SLC9A9: variants seen among roughly 807,000 people sequenced by gnomAD.
The protein encoded by SLC9A9 is sodium/hydrogen exchanger 9.
SLC9A9 carries 62 observed loss-of-function variants against 77.8 expected under a neutral mutation model. The observed-to-expected ratio is 0.80, with a 90% CI of 0.65 to 0.98. SLC9A9 has a LOEUF of 0.98. Ranked by LOEUF, SLC9A9 falls within the 50% of genes least tolerant of loss-of-function variation. The pLI, the probability that SLC9A9 is intolerant of heterozygous loss-of-function variation, is 0.00. For missense variants in SLC9A9, 775 were observed against 774.9 expected, an observed-to-expected ratio of 1.00 and a Z score of 0.00; for synonymous variants, 320 against 283.5, an observed-to-expected ratio of 1.13 and a Z score of -1.29.
chr3:143,805,503 C>A (rs2008686362), intron 2 of SLC9A9, among the ~76,000 whole-genome samples: 1 of 152,118 alleles, frequency 6.6e-6, no homozygotes, highest in Non-Finnish European at 1.5e-5. Flanking sequence ...CCAAGCTAAG[C>A]CATCTTATCC....
intron 9 of SLC9A9, among the ~76,000 whole-genome samples, chr3:143,531,416 G>C (rs1038349378): frequency 2.0e-5 from 3 of 152,208 alleles, no homozygotes; most frequent in African/African-American, 7.2e-5. Flanking sequence ...TTTGGAGACA[G>C]AGATTCACAT....
chr3:143,719,860 A>G (rs1169281855), intron 4 of SLC9A9, among the ~76,000 whole-genome samples: 1 of 152,156 alleles, frequency 6.6e-6, no homozygotes, highest in African/African-American at 2.4e-5. Flanking sequence ...GAGGCCTGCA[A>G]TCAAAGAAAT....
chr3:143,337,966 T>C (rs1006377678), intron 14 of SLC9A9, among the ~76,000 whole-genome samples: 2 of 152,102 alleles, frequency 1.3e-5, no homozygotes, highest in Non-Finnish European at 2.9e-5. Context: ...AGGAAAAAGG[T>C]AAAAGAAGAA....
chr3:143,816,243 G>T (rs571116885), intron 2 of SLC9A9, among the ~76,000 whole-genome samples: 1 of 152,138 alleles, frequency 6.6e-6, no homozygotes, highest in South Asian at 2.1e-4. Context: ...TTGCTTTGTT[G>T]CCCAGGCTGG....
At chr3:143,524,509 T>C (rs940406721) in intron 9 of SLC9A9, among the ~76,000 whole-genome samples, 11 of 152,188 alleles carry the variant, frequency 7.2e-5, no homozygotes, top group African/African-American at 2.4e-4. Flanking sequence ...TATAGGTCAA[T>C]GGCCATTTTG....
At chr3:143,743,443 C>T (rs972997843) in intron 4 of SLC9A9, among the ~76,000 whole-genome samples, 2 of 152,132 alleles carry the variant, frequency 1.3e-5, no homozygotes, top group African/African-American at 4.8e-5. Flanking sequence ...AGGATAAAGG[C>T]CTTAGAACCC....
chr3:143,434,526 C>T (rs945004763), intron 12 of SLC9A9, among the ~76,000 whole-genome samples: 3 of 152,158 alleles, frequency 2.0e-5, no homozygotes, highest in South Asian at 2.1e-4. Context: ...TTCTAACCAC[C>T]GTAGCCCCTT....
At chr3:143,770,808 A>G (rs2007490249) in intron 4 of SLC9A9, among the ~76,000 whole-genome samples, 1 of 152,200 alleles carries the variant, frequency 6.6e-6, no homozygotes, top group African/African-American at 2.4e-5. Flanking sequence ...CTAAACTCAT[A>G]GACGTAAGAT....
chr3:143,575,255 C>T (rs2037339193), intron 7 of SLC9A9, among the ~76,000 whole-genome samples: 1 of 152,100 alleles, frequency 6.6e-6, no homozygotes. Context: ...TTTTAGAAAG[C>T]ACAAAGGCAG....
intron 4 of SLC9A9, among the ~76,000 whole-genome samples, chr3:143,746,844 G>C (rs1002565560): frequency 1.3e-5 from 2 of 151,998 alleles, no homozygotes; most frequent in African/African-American, 2.4e-5. Flanking sequence ...CATAGAAAAA[G>C]GTGACAAAAT....
At chr3:143,522,575 C>T (rs1034735781) in intron 9 of SLC9A9, among the ~76,000 whole-genome samples, 1 of 152,080 alleles carries the variant, frequency 6.6e-6, no homozygotes, top group African/African-American at 2.4e-5. Flanking sequence ...CTTGGCATCC[C>T]CTATCATCTC....
rs141535494 is a variant in SLC9A9, at chr3:143,730,394, C to G, written c.534-37087G>C. ...CCCTTATGATGCAGACAGTACATTT[C>G]TACAAGGCCTGCCTCTCTGCATGAA... On this transcript the variant is annotated intron_variant, in intron 4 of 15. Transcript: ENST00000316549. Among the ~76,000 whole-genome samples, 1,021 of 152,354 alleles carry G rather than the reference C, an allele frequency of 6.7e-3. 17 individuals are homozygous for G. Among genetic ancestry groups the G allele is most frequent in the African/African-American group, 0.024 (977 of 41,572 alleles).
chr3:143,407,753 TTAAA>T (rs1403737173), intron 12 of SLC9A9, among the ~76,000 whole-genome samples: 4 of 152,214 alleles, frequency 2.6e-5, no homozygotes, highest in African/African-American at 4.8e-5. Flanking sequence ...GGGAAGGAGT[TTAAA>T]TAATGTCATG....
At chr3:143,311,895 C>G (rs1378981139) in intron 14 of SLC9A9, among the ~76,000 whole-genome samples, 1 of 152,176 alleles carries the variant, frequency 6.6e-6, no homozygotes, top group Non-Finnish European at 1.5e-5. Flanking sequence ...TTCCTAAGGT[C>G]AGCCTTAGAA....
rs1407773961 is a variant in SLC9A9, at chr3:143,595,065, A to G, written c.756-16342T>C. Among the ~76,000 whole-genome samples, 3 of 152,222 alleles carry G rather than the reference A, an allele frequency of 2.0e-5. No individual in the cohort carries two copies. In the East Asian group the frequency reaches 5.8e-4, roughly 29 times the overall value. ...AAAGCAGACTGGAGTACATCTAGAC[A>G]GGATGTCACTAAGAAATGGAACCTG... On this transcript the variant is annotated intron_variant, in intron 6 of 15. Coordinates refer to ENST00000316549, the MANE Select transcript of SLC9A9 (RefSeq NM_173653.4).
At chr3:143,839,105 T>G in intron 1 of SLC9A9, among the ~76,000 whole-genome samples, 1 of 152,186 alleles carries the variant, frequency 6.6e-6, no homozygotes, top group East Asian at 1.9e-4. Context: ...AGTAACAACG[T>G]ACAATGCCTT....
At chr3:143,419,081 A>G (rs985044230) in intron 12 of SLC9A9, among the ~76,000 whole-genome samples, 1 of 152,192 alleles carries the variant, frequency 6.6e-6, no homozygotes, top group Non-Finnish European at 1.5e-5. Context: ...AATTTGTGGA[A>G]TGCTTTGGAC....
intron 14 of SLC9A9, among the ~76,000 whole-genome samples, chr3:143,269,989 T>G (rs1378083452): frequency 2.0e-5 from 3 of 152,202 alleles, no homozygotes; most frequent in Non-Finnish European, 4.4e-5. Flanking sequence ...AGAGGGAAGA[T>G]GCAGCCCAGT....
In SLC9A9 at chr3:143,848,290, C is replaced by T. The variant is rs1418756790; in HGVS notation, c.33G>A (p.Lys11=). MERQSRVMSE[K]DEYQFQHQGA... is the part of the protein sequence containing the mutation. ...CCTGATGTTGAAACTGATACTCATC[C>T]TTTTCTGACATAACCCTTGACTGTC... Residue 11 remains lysine, a synonymous_variant, in exon 1 of 16, where the codon AAG becomes AAA. Transcript: ENST00000316549. The T allele has an allele frequency of 1.2e-6, 2 of 1,614,014 alleles. No homozygotes were observed. The highest frequency in any genetic ancestry group is 2.2e-5 in the East Asian group (1 of 44,872).
Sources: gnomAD v4.1 joint callset for allele counts (sites outside exome capture counted in the v4.1 genomes callset) on GRCh38, gnomAD v4.1.1 for gene constraint, MANE v1.5 for transcripts, NCBI Gene and HGNC (gene_info 2026-07-23, HGNC 2026-07-21) for gene names.